Variants in BCKDK observed in about 807,000 individuals in gnomAD.
BCKDK encodes branched-chain alpha-ketoacid dehydrogenase kinase.
Under a neutral mutation model 43.9 loss-of-function variants are expected in BCKDK, and 28 were observed. The ratio of observed to expected loss-of-function variants is 0.64; its 90% CI spans 0.47 to 0.87. The LOEUF is 0.87. BCKDK is among the 40% of genes least tolerant of loss of function. The probability of loss-of-function intolerance (pLI) is 0.00; values close to 1 mark genes in which losing one functional copy is unlikely to be tolerated. For synonymous variants in BCKDK, 257 were observed against 234.3 expected, an observed-to-expected ratio of 1.10 and a Z score of -0.88; for missense variants, 483 against 581.4, an observed-to-expected ratio of 0.83 and a Z score of 1.74.
In BCKDK at chr16:31,112,201, T is replaced by C; in HGVS notation, c.1175T>C (p.Ile392Thr). ...CTGCAGCTGCAGTCCCTGCAGGGCA[T>C]TGGCACGGACGTCTACCTGCGGCTC... The part of the protein sequence containing the change: ...GSLQLQSLQG[I>T]GTDVYLRLRH... Residue 392 changes from isoleucine (I) to threonine (T), a missense_variant, in exon 12 of 12, where the codon ATT (isoleucine) becomes ACT (threonine). Transcript: ENST00000219794. The surrounding 1 kb of genome is among the most constrained non-coding windows in gnomAD (Gnocchi z 5.0). The C allele has an allele frequency of 6.2e-7, 1 of 1,612,674 alleles. No homozygotes were observed. The highest frequency in any genetic ancestry group is 8.5e-7 in the Non-Finnish European group (1 of 1,180,006).
chr16:31,113,697 C>A (rs1482936153), downstream of BCKDK, among the ~76,000 whole-genome samples: 5 of 152,274 alleles, frequency 3.3e-5, no homozygotes, highest in East Asian at 9.6e-4. Flanking sequence ...TGGACTTGAA[C>A]TTCTGGGCTC....
Position 31,112,534 on chromosome 16 carries a change from T to C in BCKDK, c.*269T>C. ...TCTCGTTCCTGGGGAACCCCCACTC[T>C]GACCTGTTATTAAAGTTCACATTTT... On this transcript the variant is annotated 3_prime_UTR_variant, in exon 12 of 12. Transcript: ENST00000219794. The surrounding 1 kb of genome is among the most constrained non-coding windows in gnomAD (Gnocchi z 5.0). 1.7e-6 allele frequency: 1 copy of C among 579,480 alleles called. No homozygotes were observed. The highest frequency in any genetic ancestry group is 1.9e-5 in the South Asian group (1 of 51,298). 35.9% of individuals were successfully genotyped at this position (579,480 alleles called of 1,614,324 possible).
rs1181168298 is a variant in BCKDK, at chr16:31,109,221, A to G, written c.-3A>G. 2.0e-6 allele frequency: 3 copies of G among 1,511,114 alleles called. No individual in the cohort carries two copies. Among genetic ancestry groups the G allele is most frequent in the South Asian group, 2.6e-5 (2 of 75,534 alleles). 93.6% of individuals were successfully genotyped at this position (1,511,114 alleles called of 1,614,324 possible). On this transcript the variant is annotated 5_prime_UTR_variant, in exon 2 of 12. Transcript: ENST00000219794. The surrounding 1 kb of genome is among the most constrained non-coding windows in gnomAD (Gnocchi z 5.3). ...GGCCACCGGGTCTGAAAGGAGCAAGACGATGATCCTGGCGTCGGTGCTGAG... is the reference window on the plus strand; with the variant it reads ...GGCCACCGGGTCTGAAAGGAGCAAGGCGATGATCCTGGCGTCGGTGCTGAG...
chr16:31,110,449 C>G lies in BCKDK; in HGVS notation c.592C>G (p.Leu198Val). Residue 198 changes from leucine (L) to valine (V), a missense_variant, in exon 7 of 12, where the codon CTT (leucine) becomes GTT (valine). Physicochemically the swap from Leu to Val is conservative, Grantham distance 32 (BLOSUM62 1). Transcript: ENST00000219794. This position sits in a 1 kb window ranked among gnomAD's most constrained non-coding sequence, Gnocchi z 5.4. ...YFLDKTLTSR[L>V]GIRMLATHHL... The stretch of plus-strand genomic sequence containing the variant: ...CTTGGACAAGACGCTGACTTCGAGG[C>G]TTGGAATCCGCATGTTGGCCACGCA... The G allele has an allele frequency of 6.2e-7, 1 of 1,613,900 alleles. No individual in the cohort carries two copies. Among genetic ancestry groups the G allele is most frequent in the South Asian group, 1.1e-5 (1 of 91,088 alleles).
At position 31,109,665 on chromosome 16, in the gene BCKDK, T is replaced by C; in HGVS notation, c.265-8T>C. The C allele has an allele frequency of 5.0e-6, 8 of 1,613,954 alleles. No homozygotes were observed. Among genetic ancestry groups the C allele is most frequent in the Non-Finnish European group, 6.8e-6 (8 of 1,179,970 alleles). On this transcript the variant is annotated splice_region_variant and splice_polypyrimidine_tract_variant and intron_variant, in intron 3 of 11. Coordinates refer to ENST00000219794, the MANE Select transcript of BCKDK (RefSeq NM_005881.4). The surrounding 1 kb of genome is among the most constrained non-coding windows in gnomAD (Gnocchi z 5.3). ...CCAGCCCCGCCTTCCCTTCTCATTT[T>C]CTCCCAGAAAAGTGCTCGGTACCTG... is the stretch of plus-strand genomic sequence containing the variant.
chr16:31,112,348 T>C lies in BCKDK; in HGVS notation c.*83T>C. 9 of 1,582,252 alleles carry C rather than the reference T, an allele frequency of 5.7e-6. No homozygotes were observed. The highest frequency in any genetic ancestry group is 7.7e-6 in the Non-Finnish European group (9 of 1,165,924). On this transcript the variant is annotated 3_prime_UTR_variant, in exon 12 of 12. Transcript: ENST00000219794. This position sits in a 1 kb window ranked among gnomAD's most constrained non-coding sequence, Gnocchi z 5.0. ...TCCCGGGTCAGGCAGGGCGGCCCCC[T>C]GCTCCACACACTGCTGCATCTTGGG...
chr16:31,112,222 G>A lies in BCKDK; in HGVS notation c.1196G>A (p.Arg399Gln), dbSNP rs766922526. 10 of 1,611,572 alleles carry A rather than the reference G, an allele frequency of 6.2e-6. No individual in the cohort carries two copies. Among genetic ancestry groups the A allele is most frequent in the Admixed American group, 3.3e-5 (2 of 60,008 alleles). Reference sequence around the variant, plus strand: ...GGCATTGGCACGGACGTCTACCTGCGGCTCCGCCACATCGATGGCCGGGAG... The same window carrying A: ...GGCATTGGCACGGACGTCTACCTGCAGCTCCGCCACATCGATGGCCGGGAG... The part of the protein sequence containing the change: ...LQGIGTDVYL[R>Q]LRHIDGREES... The change falls in exon 12 of 12, where the codon CGG (arginine) becomes CAG (glutamine). Residue 399 changes from arginine to glutamine, a missense_variant. Transcript: ENST00000219794. This position sits in a 1 kb window ranked among gnomAD's most constrained non-coding sequence, Gnocchi z 5.0.
At chr16:31,111,057 G>A in intron 8 of BCKDK, 34 bp from the exon 9 acceptor site, 1 of 1,610,560 alleles carries the variant, frequency 6.2e-7, no homozygotes, top group Non-Finnish European at 8.5e-7. Context: ...ACTGGTGGAG[G>A]GGCCCCTGAC....
At position 31,109,799 on chromosome 16, in the gene BCKDK, C is replaced by T. The variant is rs767584077; in HGVS notation, c.375+16C>T. 6 of 1,612,306 alleles carry T rather than the reference C, an allele frequency of 3.7e-6. No homozygotes were observed. In the South Asian group the frequency reaches 6.6e-5, roughly 18 times the overall value. On this transcript the variant is annotated intron_variant, in intron 4 of 11. Coordinates refer to ENST00000219794, the MANE Select transcript of BCKDK (RefSeq NM_005881.4). The surrounding 1 kb of genome is among the most constrained non-coding windows in gnomAD (Gnocchi z 5.3). ...ACTGCACGTGGTAAGGTAGAGAGGA[C>T]CTTAGGTCAGCGGGCCACCCTGCCC...
chr16:31,110,780 AG>A lies in BCKDK; in HGVS notation c.716+24del. 2 of 1,595,146 alleles carry A rather than the reference AG, an allele frequency of 1.3e-6. No individual in the cohort carries two copies. Among genetic ancestry groups the A allele is most frequent in the Non-Finnish European group, 1.7e-6 (2 of 1,165,806 alleles). ...TTGCCAGGTGAGGCAAGAATGGCTCAGGGGGTGGGCAGACATCTGGGGCAGG... is the reference window on the plus strand; with the variant it reads ...TTGCCAGGTGAGGCAAGAATGGCTCAGGGGTGGGCAGACATCTGGGGCAGG... On this transcript the variant is annotated intron_variant, in intron 8 of 11. Transcript: ENST00000219794. The surrounding 1 kb of genome is among the most constrained non-coding windows in gnomAD (Gnocchi z 5.4).
chr16:31,109,292 C>T lies in BCKDK; in HGVS notation c.69C>T (p.Pro23=), dbSNP rs760622934. 6.2e-7 allele frequency: 1 copy of T among 1,602,880 alleles called. No homozygotes were observed. The highest frequency in any genetic ancestry group is 1.7e-5 in the Admixed American group (1 of 59,084). ...GGLPLRPLLG[P]ALALRARSTS... is the part of the protein sequence containing the mutation. ...TTCCGCTCCGGCCCCTCCTGGGACC[C>T]GCACTCGCGCTCCGGGCCCGCTCGA... Residue 23 remains proline (P), a synonymous_variant, in exon 2 of 12, where the codon CCC becomes CCT. Transcript: ENST00000219794. This position sits in a 1 kb window ranked among gnomAD's most constrained non-coding sequence, Gnocchi z 5.3.
At position 31,112,615 on chromosome 16, in the gene BCKDK, C is replaced by A; in HGVS notation, c.*350C>A. On this transcript the variant is annotated 3_prime_UTR_variant, in exon 12 of 12. Transcript: ENST00000219794. This position sits in a 1 kb window ranked among gnomAD's most constrained non-coding sequence, Gnocchi z 5.0. ...GGGCAGGTGAACTTTTGTTTCTGCCCCCATTCAGGTTCACTGAGCCCTTGG... is the reference window on the plus strand; with the variant it reads ...GGGCAGGTGAACTTTTGTTTCTGCCACCATTCAGGTTCACTGAGCCCTTGG... 1 of 409,734 alleles carries A rather than the reference C, an allele frequency of 2.4e-6. No homozygotes were observed. The highest frequency in any genetic ancestry group is 2.1e-5 in the South Asian group (1 of 48,004). The allele number at this position is 409,734 out of a possible 1,614,324, so 25.4% of individuals were successfully genotyped here.
rs145180240 is a variant in BCKDK, at chr16:31,112,244, G to A, written c.1218G>A (p.Arg406=). The change falls in exon 12 of 12, where the codon CGG becomes CGA. Residue 406 remains arginine (R), a synonymous_variant. Transcript: ENST00000219794. This position sits in a 1 kb window ranked among gnomAD's most constrained non-coding sequence, Gnocchi z 5.0. ...VYLRLRHIDG[R]EESFRI ...TGCGGCTCCGCCACATCGATGGCCG[G>A]GAGGAAAGCTTCCGGATCTGACCCC... 1,094 of 1,610,348 alleles carry A rather than the reference G, an allele frequency of 6.8e-4. 2 individuals are homozygous for A. Among genetic ancestry groups the A allele is most frequent in the Non-Finnish European group, 8.2e-4 (968 of 1,179,980 alleles).
At position 31,112,554 on chromosome 16, in the gene BCKDK, C is replaced by T. The variant is rs1179822485; in HGVS notation, c.*289C>T. 1 of 544,702 alleles carries T rather than the reference C, an allele frequency of 1.8e-6. No homozygotes were observed. The highest frequency in any genetic ancestry group is 3.3e-6 in the Non-Finnish European group (1 of 301,094). 33.7% of individuals were successfully genotyped at this position (544,702 alleles called of 1,614,324 possible). A position where few individuals can be genotyped will look rare whatever the true frequency, so the allele number is the denominator to read the frequency against. ...CACTCTGACCTGTTATTAAAGTTCA[C>T]ATTTTGAATGCCCTCTCGGGCCCCG... On this transcript the variant is annotated 3_prime_UTR_variant, in exon 12 of 12. Coordinates refer to ENST00000219794, the MANE Select transcript of BCKDK (RefSeq NM_005881.4). This position sits in a 1 kb window ranked among gnomAD's most constrained non-coding sequence, Gnocchi z 5.0.
rs1250027279 is a variant in BCKDK, at chr16:31,112,155, G to A, written c.1129G>A (p.Ala377Thr). The A allele has an allele frequency of 3.7e-6, 6 of 1,613,472 alleles. No individual in the cohort carries two copies. Among genetic ancestry groups the A allele is most frequent in the Admixed American group, 3.3e-5 (2 of 60,000 alleles). The part of the protein sequence containing the change: ...GFGLPTSRAY[A>T]EYLGGSLQLQ... Reference sequence around the variant, plus strand: ...CGGGTTGCCCACGTCACGGGCCTACGCGGAGTACCTCGGTGGGTCTCTGCA... The same window carrying A: ...CGGGTTGCCCACGTCACGGGCCTACACGGAGTACCTCGGTGGGTCTCTGCA... Residue 377 changes from alanine to threonine, a missense_variant, in exon 12 of 12, where the codon GCG becomes ACG. Coordinates refer to ENST00000219794, the MANE Select transcript of BCKDK (RefSeq NM_005881.4). The surrounding 1 kb of genome is among the most constrained non-coding windows in gnomAD (Gnocchi z 5.0).
At chr16:31,114,509 C>T (rs766486240), downstream of BCKDK, among the ~76,000 whole-genome samples, 5 of 152,104 alleles carry the variant, frequency 3.3e-5, no homozygotes, top group East Asian at 1.9e-4. Flanking sequence ...CCATGCCTGT[C>T]GGATGTTTCT....
At position 31,109,046 on chromosome 16, in the gene BCKDK, G is replaced by C; in HGVS notation, c.-177-1G>C. ...CAACTTCCTCTTCCCCGCCCCGGTA[G>C]ATGGGAGCTGCTCTCCGCGGGCTGA... On this transcript the variant is annotated splice_acceptor_variant, in intron 1 of 11. Transcript: ENST00000219794. LOFTEE classifies it low-confidence loss of function (5UTR_SPLICE). The surrounding 1 kb of genome is among the most constrained non-coding windows in gnomAD (Gnocchi z 5.3). The C allele has an allele frequency of 1.9e-6, 1 of 533,348 alleles. No individual in the cohort carries two copies. The highest frequency in any genetic ancestry group is 3.2e-6 in the Non-Finnish European group (1 of 310,912). 33.0% of individuals were successfully genotyped at this position (533,348 alleles called of 1,614,324 possible).
At position 31,112,166 on chromosome 16, in the gene BCKDK, C is replaced by T. The variant is rs774276125; in HGVS notation, c.1140C>T (p.Leu380=). ...CGTCACGGGCCTACGCGGAGTACCT[C>T]GGTGGGTCTCTGCAGCTGCAGTCCC... ...LPTSRAYAEY[L]GGSLQLQSLQ... The change falls in exon 12 of 12, where the codon CTC becomes CTT. Residue 380 remains leucine (L), a synonymous_variant. Coordinates refer to ENST00000219794, the MANE Select transcript of BCKDK (RefSeq NM_005881.4). The surrounding 1 kb of genome is among the most constrained non-coding windows in gnomAD (Gnocchi z 5.0). 2.2e-5 allele frequency: 35 copies of T among 1,613,504 alleles called. No homozygotes were observed. In the East Asian group the frequency reaches 2.7e-4, roughly 12 times the overall value.
At position 31,112,373 on chromosome 16, in the gene BCKDK, G is replaced by A; in HGVS notation, c.*108G>A. On this transcript the variant is annotated 3_prime_UTR_variant, in exon 12 of 12. Transcript: ENST00000219794. The surrounding 1 kb of genome is among the most constrained non-coding windows in gnomAD (Gnocchi z 5.0). ...TGCTCCACACACTGCTGCATCTTGG[G>A]TCTCAGGGACCCAGACAGATGGACT... The A allele has an allele frequency of 6.5e-7, 1 of 1,539,728 alleles. No individual in the cohort carries two copies. The highest frequency in any genetic ancestry group is 8.8e-7 in the Non-Finnish European group (1 of 1,132,130).
Sources: allele counts gnomAD v4.1 joint callset (sites outside exome capture counted in the v4.1 genomes callset), GRCh38; gene constraint gnomAD v4.1.1; non-coding constraint Gnocchi (gnomAD v3.1); transcripts MANE v1.5; gene names NCBI Gene and HGNC (gene_info 2026-07-23, HGNC 2026-07-21).